Variants in NELL1 observed in about 807,000 individuals in gnomAD.
NELL1 encodes the protein neural EGFL like 1, also known as protein kinase C-binding protein NELL1.
NELL1 carries 76 observed loss-of-function variants against 107.4 expected under a neutral mutation model. That is an observed-to-expected ratio of 0.71 (90% CI 0.59 to 0.86). NELL1 has a LOEUF of 0.86. Among genes scored for constraint, NELL1 ranks in the 40% least tolerant of loss-of-function variants. NELL1 has a pLI of 0.00. For missense variants in NELL1, 1,024 were observed against 1,005.5 expected, an observed-to-expected ratio of 1.02 and a Z score of -0.25; for synonymous variants, 353 against 341.2, an observed-to-expected ratio of 1.03 and a Z score of -0.38.
chr11:21,193,762 A>G (rs1857095155), intron 13 of NELL1, among the ~76,000 whole-genome samples: 1 of 151,890 alleles, frequency 6.6e-6, no homozygotes. Context: ...GGATAAAAAG[A>G]AAGTTTTAGA....
At chr11:21,016,408 AC>A (rs1315803964) in intron 12 of NELL1, among the ~76,000 whole-genome samples, 3 of 151,762 alleles carry the variant, frequency 2.0e-5, no homozygotes, top group African/African-American at 7.3e-5. Context: ...AGCTCCCCAA[AC>A]TCCCAAGCAG....
chr11:21,199,492 A>G (rs577440759), intron 13 of NELL1, among the ~76,000 whole-genome samples: 57 of 152,280 alleles, frequency 3.7e-4, no homozygotes, highest in African/African-American at 1.2e-3. Flanking sequence ...ACATAGTTTT[A>G]TATTTCCAGG....
chr11:21,317,785 C>T (rs565223454), intron 14 of NELL1, among the ~76,000 whole-genome samples: 1 of 152,200 alleles, frequency 6.6e-6, no homozygotes, highest in South Asian at 2.1e-4. Flanking sequence ...ACAATGAGTT[C>T]TGACCCTGGA....
At chr11:21,515,999 T>C (rs1318234426) in intron 15 of NELL1, among the ~76,000 whole-genome samples, 1 of 152,120 alleles carries the variant, frequency 6.6e-6, no homozygotes, top group East Asian at 1.9e-4. Context: ...TTCTACATCT[T>C]CCTCCCACAG....
intron 13 of NELL1, among the ~76,000 whole-genome samples, chr11:21,169,124 A>G (rs137981267): frequency 6.6e-6 from 1 of 151,962 alleles, no homozygotes; most frequent in East Asian, 1.9e-4. Context: ...TATACCTTTT[A>G]ATCTTGCCAG....
At chr11:21,197,371 C>T (rs1446362589) in intron 13 of NELL1, among the ~76,000 whole-genome samples, 2 of 149,878 alleles carry the variant, frequency 1.3e-5, no homozygotes, top group African/African-American at 4.9e-5. Context: ...AATCTTGTTT[C>T]CTATGCTTCT....
intron 15 of NELL1, among the ~76,000 whole-genome samples, chr11:21,397,172 A>G (rs1590898020): frequency 6.6e-6 from 1 of 151,746 alleles, no homozygotes; most frequent in Non-Finnish European, 1.5e-5. Flanking sequence ...ACACACGAGG[A>G]ATCATATAGC....
chr11:21,364,708 C>T (rs1334923041), intron 14 of NELL1, among the ~76,000 whole-genome samples: 1 of 152,074 alleles, frequency 6.6e-6, no homozygotes, highest in African/African-American at 2.4e-5. Context: ...AATGCATAGT[C>T]TTAAACTGAC....
intron 14 of NELL1, among the ~76,000 whole-genome samples, chr11:21,295,761 T>A (rs969371159): frequency 6.6e-6 from 1 of 151,960 alleles, no homozygotes; most frequent in African/African-American, 2.4e-5. Context: ...GTTCTTCACA[T>A]CAAAATGAAT....
At position 21,575,646 on chromosome 11, in the gene NELL1, A is replaced by G. The variant is rs1857201536; in HGVS notation, c.*624A>G. On this transcript the variant is annotated 3_prime_UTR_variant, in exon 20 of 20. Coordinates refer to ENST00000357134, the MANE Select transcript of NELL1 (RefSeq NM_006157.5). ...AGGGGAAGGGCCAAAAACATAATCA[A>G]AGAATAATTTTAAAGAGAATTCTTG... 1 of 151,904 alleles carries G rather than the reference A, an allele frequency of 6.6e-6. No homozygotes were observed. Among genetic ancestry groups the G allele is most frequent in the South Asian group, 2.1e-4 (1 of 4,828 alleles). 9.4% of individuals were successfully genotyped at this position (151,904 alleles called of 1,614,324 possible).
At chr11:21,426,574 A>G (rs72964026) in intron 15 of NELL1, among the ~76,000 whole-genome samples, 82 of 152,298 alleles carry the variant, frequency 5.4e-4, no homozygotes, top group Admixed American at 9.2e-4. Flanking sequence ...TCAAAGCTTC[A>G]ATGTATATTA....
chr11:20,733,223 C>G (rs563338364), intron 2 of NELL1, among the ~76,000 whole-genome samples: 100 of 152,294 alleles, frequency 6.6e-4, no homozygotes, highest in African/African-American at 2.3e-3. Flanking sequence ...ATCTGTTGCT[C>G]TGACAGAAGA....
chr11:21,504,767 A>C (rs935792393), intron 15 of NELL1, among the ~76,000 whole-genome samples: 2 of 152,102 alleles, frequency 1.3e-5, no homozygotes, highest in Admixed American at 1.3e-4. Context: ...CGAAGCAGAG[A>C]ATTCGAAGGC....
chr11:21,244,554 C>G (rs1229238321), intron 14 of NELL1, among the ~76,000 whole-genome samples: 5 of 152,088 alleles, frequency 3.3e-5, no homozygotes, highest in African/African-American at 1.2e-4. Context: ...GTACACATCC[C>G]CAAACATTAT....
intron 16 of NELL1, among the ~76,000 whole-genome samples, chr11:21,543,711 T>G (rs1856354743): frequency 6.6e-6 from 1 of 151,960 alleles, no homozygotes; most frequent in Non-Finnish European, 1.5e-5. Context: ...ATTTAGCATG[T>G]GGGCTAAATT....
chr11:20,704,795 T>A (rs976990330), intron 2 of NELL1, among the ~76,000 whole-genome samples: 1 of 152,192 alleles, frequency 6.6e-6, no homozygotes, highest in African/African-American at 2.4e-5. Context: ...AAATTCTGGG[T>A]TGAAAATTCT....
At chr11:21,512,003 C>T (rs1855448179) in intron 15 of NELL1, among the ~76,000 whole-genome samples, 1 of 152,210 alleles carries the variant, frequency 6.6e-6, no homozygotes. Context: ...ATCCAGGGCC[C>T]AGATCCACCC....
At chr11:21,311,349 T>C (rs1849745591) in intron 14 of NELL1, among the ~76,000 whole-genome samples, 1 of 152,140 alleles carries the variant, frequency 6.6e-6, no homozygotes, top group African/African-American at 2.4e-5. Flanking sequence ...TTTACTAAAG[T>C]GTGTATTTCA....
chr11:20,913,363 T>A (rs543538640), intron 5 of NELL1, among the ~76,000 whole-genome samples: 116 of 152,202 alleles, frequency 7.6e-4, no homozygotes, highest in African/African-American at 2.8e-3. Context: ...AGAATTAGCA[T>A]TTGTTTGGTG....
Sources: gnomAD v4.1 joint callset for allele counts (sites outside exome capture counted in the v4.1 genomes callset) on GRCh38, gnomAD v4.1.1 for gene constraint, MANE v1.5 for transcripts, NCBI Gene and HGNC (gene_info 2026-07-23, HGNC 2026-07-21) for gene names.